PRR23E: variants seen among roughly 807,000 people sequenced by gnomAD.
The protein encoded by PRR23E is PRR23 family member E.
At chr3:127,193,516 C>T in the PRR23E span, among the ~76,000 whole-genome samples, 7 of 152,238 alleles carry the variant, frequency 4.6e-5, no homozygotes, top group South Asian at 1.5e-3. Context: ...GCCCCAGCCC[C>T]TCCCCTAAAA....
At chr3:127,193,732 T>C in the PRR23E span, among the ~76,000 whole-genome samples, 1 of 152,250 alleles carries the variant, frequency 6.6e-6, no homozygotes, top group Non-Finnish European at 1.5e-5. Context: ...TACTCTTTAC[T>C]TACTAAAGAG....
the PRR23E span, chr3:127,196,883 A>G: frequency 1.9e-6 from 3 of 1,599,010 alleles, no homozygotes; most frequent in Non-Finnish European, 1.7e-6. Context: ...CCTGCATGGG[A>G]TTTTCCCCAC....
chr3:127,195,708 G>T, the PRR23E span, among the ~76,000 whole-genome samples: 1 of 152,084 alleles, frequency 6.6e-6, no homozygotes, highest in South Asian at 2.1e-4. Flanking sequence ...GGACCCCAGG[G>T]GTCCTGACCG....
At chr3:127,197,590 T>TTC in the PRR23E span, 1 of 468,272 alleles carries the variant, frequency 2.1e-6, no homozygotes. Context: ...TTCTCTTTAC[T>TTC]TTGTTTTTCT....
the PRR23E span, among the ~76,000 whole-genome samples, chr3:127,196,267 T>C: frequency 6.6e-6 from 1 of 152,188 alleles, no homozygotes; most frequent in South Asian, 2.1e-4. Flanking sequence ...AATCTTTAAC[T>C]CTCCCTCCAG....
At chr3:127,195,456 C>G in the PRR23E span, among the ~76,000 whole-genome samples, 1 of 152,142 alleles carries the variant, frequency 6.6e-6, no homozygotes, top group Non-Finnish European at 1.5e-5. Context: ...TCTCTGCCCC[C>G]AGGAAGTCCC....
the PRR23E span, chr3:127,197,624 G>A: frequency 2.3e-6 from 1 of 432,738 alleles, no homozygotes. Context: ...CCCTGATACT[G>A]GCACCTTTTC....
the PRR23E span, chr3:127,196,787 G>A: frequency 6.3e-7 from 1 of 1,597,648 alleles, no homozygotes; most frequent in Admixed American, 1.7e-5. Flanking sequence ...CAACCCCCTG[G>A]GTGGCCATGG....
At chr3:127,196,757 C>G in the PRR23E span, 1 of 1,596,268 alleles carries the variant, frequency 6.3e-7, no homozygotes, top group South Asian at 1.1e-5. Context: ...CCGAGGAAGC[C>G]CACGGGACTC....
chr3:127,196,390 A>G, the PRR23E span, among the ~76,000 whole-genome samples: 8 of 152,010 alleles, frequency 5.3e-5, no homozygotes, highest in African/African-American at 1.9e-4. Flanking sequence ...TCCCTAGAAA[A>G]TGCCTCACGT....
chr3:127,193,365 C>T, the PRR23E span: 1 of 152,340 alleles, frequency 6.6e-6, no homozygotes, highest in Non-Finnish European at 1.5e-5. Flanking sequence ...ACCATCCTCT[C>T]CGCACTCTCC....
the PRR23E span, chr3:127,197,228 G>A: frequency 2.5e-6 from 4 of 1,598,662 alleles, no homozygotes; most frequent in African/African-American, 4.0e-5. Context: ...CCTACTTGAA[G>A]ACATGCAAAG....
chr3:127,196,490 G>T, the PRR23E span: 3 of 824,138 alleles, frequency 3.6e-6, no homozygotes, highest in Non-Finnish European at 5.5e-6. Context: ...CCTTGATCTT[G>T]GCTCTTCTGT....
At chr3:127,196,560 C>G in the PRR23E span, 2 of 1,418,560 alleles carry the variant, frequency 1.4e-6, no homozygotes, top group South Asian at 3.0e-5. Context: ...GGTCTCCCTG[C>G]CCTCTGACTG....
chr3:127,195,029 C>T, the PRR23E span, among the ~76,000 whole-genome samples: 1 of 152,168 alleles, frequency 6.6e-6, no homozygotes, highest in African/African-American at 2.4e-5. Context: ...GGAGAAAGAG[C>T]GCTGGTGCTC....
chr3:127,193,998 CAT>C, the PRR23E span, among the ~76,000 whole-genome samples: 1 of 152,240 alleles, frequency 6.6e-6, no homozygotes, highest in African/African-American at 2.4e-5. Context: ...CTGTATCTGA[CAT>C]ATGATTAGCT....
At chr3:127,194,880 C>G in the PRR23E span, among the ~76,000 whole-genome samples, 1 of 152,216 alleles carries the variant, frequency 6.6e-6, no homozygotes, top group Non-Finnish European at 1.5e-5. Flanking sequence ...CTGTCCTCCA[C>G]CCCAGGTCCT....
At chr3:127,197,192 C>T in the PRR23E span, 40 of 1,593,686 alleles carry the variant, frequency 2.5e-5, no homozygotes, top group African/African-American at 1.3e-4. Flanking sequence ...CCAGGGCTGC[C>T]GTAGAGGGGC....
the PRR23E span, among the ~76,000 whole-genome samples, chr3:127,194,376 C>T: frequency 1.3e-5 from 2 of 152,150 alleles, no homozygotes; most frequent in Admixed American, 6.5e-5. Context: ...TTTAAGTTTA[C>T]GAATTTGTGT....
Sources: gnomAD v4.1 joint callset for allele counts (sites outside exome capture counted in the v4.1 genomes callset) on GRCh38, gnomAD v4.1.1 for gene constraint, MANE v1.5 for transcripts, NCBI Gene and HGNC (gene_info 2026-07-23, HGNC 2026-07-21) for gene names.